Variants in TRAPPC8 observed in about 807,000 individuals in gnomAD.
TRAPPC8 encodes the protein general sporulation gene 1 homolog.
Under a neutral mutation model 174.3 loss-of-function variants are expected in TRAPPC8, and 54 were observed. The observed-to-expected ratio is 0.31, with a 90% CI of 0.25 to 0.39. TRAPPC8 has a LOEUF of 0.39. TRAPPC8 is among the 10% of genes least tolerant of loss of function. The pLI, the probability that TRAPPC8 is intolerant of heterozygous loss-of-function variation, is 1.00. For synonymous variants in TRAPPC8, 630 were observed against 579.9 expected (o/e 1.09, Z -1.24); for missense variants, 1,531 against 1,699.1 (o/e 0.90, Z 1.74).
intron 11 of TRAPPC8, chr18:31,896,560 A>T (rs1209533294): frequency 6.6e-6 from 1 of 152,082 alleles, no homozygotes; most frequent in Non-Finnish European, 1.5e-5. Context: ...TTAGGTAAAA[A>T]ATTTTATGGG....
intron 19 of TRAPPC8, among the ~76,000 whole-genome samples, chr18:31,861,925 GAA>G (rs1248803736): frequency 3.0e-4 from 11 of 37,192 alleles, no homozygotes; most frequent in East Asian, 2.7e-3. Flanking sequence ...CCCGTCTCCA[GAA>G]AAAAAAAAAG....
chr18:31,842,456 T>G (rs2144984559), intron 26 of TRAPPC8, among the ~76,000 whole-genome samples: 1 of 152,334 alleles, frequency 6.6e-6, no homozygotes, highest in East Asian at 1.9e-4. Context: ...AAATGTCGAC[T>G]GGCATCAGGC....
At position 31,855,755 on chromosome 18, in the gene TRAPPC8, C is replaced by T. The variant is rs919615591; in HGVS notation, c.3241G>A (p.Val1081Ile). The T allele has an allele frequency of 1.2e-6, 2 of 1,604,798 alleles. No individual in the cohort carries two copies. Among genetic ancestry groups the T allele is most frequent in the South Asian group, 1.1e-5 (1 of 89,620 alleles). The change falls in exon 21 of 29, where the codon GTA (valine) becomes ATA (isoleucine). Residue 1081 changes from valine (V) to isoleucine (I), a missense_variant. Physicochemically the swap from Val to Ile is conservative, Grantham distance 29 (BLOSUM62 3). Transcript: ENST00000283351. ...TTACTTCTGCAGACAGTGGCCCGTA[C>T]ATTTAAAGACCGACTGGTACAAATA... The part of the protein sequence containing the change: ...AIICTSRSLN[V>I]RATVCRSNSL...
chr18:31,832,847 T>A (rs2032456936), intron 27 of TRAPPC8, among the ~76,000 whole-genome samples: 1 of 152,220 alleles, frequency 6.6e-6, no homozygotes, highest in South Asian at 2.1e-4. Context: ...AGCAGGGTTA[T>A]ATACTATTAT....
intron 9 of TRAPPC8, among the ~76,000 whole-genome samples, chr18:31,905,810 T>C (rs1280047501): frequency 1.3e-5 from 2 of 152,198 alleles, no homozygotes; most frequent in African/African-American, 2.4e-5. Context: ...TTCTCTCAAA[T>C]AGCTACTAAT....
In TRAPPC8 at chr18:31,852,610, A is replaced by T. The variant is rs1286990171; in HGVS notation, c.3487T>A (p.Cys1163Ser). The change falls in exon 23 of 29, where the codon TGT (cysteine) becomes AGT (serine). Residue 1163 changes from cysteine (C) to serine (S), a missense_variant. Physicochemically the swap from Cys to Ser is moderately radical, Grantham distance 112. Transcript: ENST00000283351. ...GTGAATTTACCTTCTTCTTTCTCAC[A>T]TCTTATTGCCTTAAAGCAAAACTTT... ...KGKFCFKAIRCEKEEAATQSS... is the reference protein window; with the variant it reads ...KGKFCFKAIRSEKEEAATQSS... 2.5e-6 allele frequency: 4 copies of T among 1,614,112 alleles called. No individual in the cohort carries two copies. Among genetic ancestry groups the T allele is most frequent in the African/African-American group, 2.7e-5 (2 of 75,062 alleles).
chr18:31,887,083 T>A (rs1318581096), intron 12 of TRAPPC8, among the ~76,000 whole-genome samples: 1 of 152,188 alleles, frequency 6.6e-6, no homozygotes, highest in Non-Finnish European at 1.5e-5. Context: ...TCCCTACCAA[T>A]ACAACCCTGT....
At chr18:31,941,528 A>C (rs1450801734) in intron 1 of TRAPPC8, among the ~76,000 whole-genome samples, 1 of 152,212 alleles carries the variant, frequency 6.6e-6, no homozygotes, top group Non-Finnish European at 1.5e-5. Flanking sequence ...AGGAACTGAG[A>C]CTGATGGCTA....
chr18:31,920,294 A>C (rs1425433519), intron 2 of TRAPPC8, among the ~76,000 whole-genome samples: 2 of 152,216 alleles, frequency 1.3e-5, no homozygotes, highest in African/African-American at 4.8e-5. Flanking sequence ...ATTTTCCAAA[A>C]TAGCTCTTCT....
At chr18:31,871,992 T>G (rs1486154476) in intron 14 of TRAPPC8, among the ~76,000 whole-genome samples, 1 of 152,130 alleles carries the variant, frequency 6.6e-6, no homozygotes, top group Non-Finnish European at 1.5e-5. Context: ...TATATTTGTA[T>G]AGATTTAGGG....
rs766562572 is a variant in TRAPPC8 at position 31,829,958 on chromosome 18, T to C, written c.*797A>G. 1.3e-5 allele frequency: 2 copies of C among 152,676 alleles called. No individual in the cohort carries two copies. The highest frequency in any genetic ancestry group is 2.9e-5 in the Non-Finnish European group (2 of 68,036). 9.5% of individuals were successfully genotyped at this position (152,676 alleles called of 1,614,324 possible). The stretch of plus-strand genomic sequence containing the variant: ...TACGCTATACAGTGAATAGCATGTC[T>C]TTATTCTATTTACAGTATATTTGTT... On this transcript the variant is annotated 3_prime_UTR_variant, in exon 29 of 29. Coordinates refer to ENST00000283351, the MANE Select transcript of TRAPPC8 (RefSeq NM_014939.5).
At position 31,943,051 on chromosome 18, in the gene TRAPPC8, G is replaced by T; in HGVS notation, c.-287C>A. ...GCCGACAGTCACCACTTAGTCCTTC[G>T]GACGGCAAAACCTTGGTCACTGCCC... On this transcript the variant is annotated 5_prime_UTR_variant, in exon 1 of 29. Transcript: ENST00000283351. 1.9e-6 allele frequency: 1 copy of T among 520,262 alleles called. No individual in the cohort carries two copies. Among genetic ancestry groups the T allele is most frequent in the Non-Finnish European group, 3.0e-6 (1 of 335,730 alleles). The allele number at this position is 520,262 out of a possible 1,614,324, so 32.2% of individuals were successfully genotyped here.
intron 10 of TRAPPC8, 118 bp downstream of exon 10, chr18:31,900,807 C>A: frequency 4.1e-6 from 3 of 726,570 alleles, no homozygotes; most frequent in South Asian, 2.1e-5. Flanking sequence ...TAAAAATCAC[C>A]TCAACTTGTC....
chr18:31,846,623 C>T (rs1020458873), intron 26 of TRAPPC8, 93 bp downstream of exon 26: 1 of 956,562 alleles, frequency 1.0e-6, no homozygotes, highest in Non-Finnish European at 1.6e-6. Flanking sequence ...ACAAACCAGA[C>T]CCCTTCAAAA....
intron 12 of TRAPPC8, among the ~76,000 whole-genome samples, chr18:31,878,664 G>C (rs2035278309): frequency 6.6e-6 from 1 of 152,040 alleles, no homozygotes. Flanking sequence ...TATTAACTTT[G>C]AACAAAAATA....
chr18:31,908,717 A>G, intron 7 of TRAPPC8, 37 bp downstream of exon 7: 1 of 1,487,064 alleles, frequency 6.7e-7, no homozygotes, highest in East Asian at 2.4e-5. Flanking sequence ...TATTTACTTA[A>G]ATTTTTAAAA....
At chr18:31,872,002 G>A (rs2034888248) in intron 14 of TRAPPC8, among the ~76,000 whole-genome samples, 1 of 151,486 alleles carries the variant, frequency 6.6e-6, no homozygotes, top group South Asian at 2.1e-4. Flanking sequence ...TAGATTTAGG[G>A]GGTACAAGTT....
rs116048506 is a variant in TRAPPC8 at position 31,875,025 on chromosome 18, G to A, written c.1729-321C>T. Reference sequence around the variant, plus strand: ...ACAATTTCAAAACGTCAACTTCAGAGGAAAGAGCTTACTTCTCAACTTGAC... The same window carrying A: ...ACAATTTCAAAACGTCAACTTCAGAAGAAAGAGCTTACTTCTCAACTTGAC... On this transcript the variant is annotated intron_variant, in intron 12 of 28. Transcript: ENST00000283351. Among the ~76,000 whole-genome samples, 1,099 of 152,218 alleles carry A rather than the reference G, an allele frequency of 7.2e-3. 15 individuals are homozygous for A. The highest frequency in any genetic ancestry group is 0.025 in the African/African-American group (1,054 of 41,532).
intron 4 of TRAPPC8, among the ~76,000 whole-genome samples, 197 bp downstream of exon 4, chr18:31,916,071 AAAAG>A (rs2037134007): frequency 6.6e-6 from 1 of 151,752 alleles, no homozygotes; most frequent in African/African-American, 2.4e-5. Context: ...AAAAAAAAAA[AAAAG>A]AAATCTAACA....
Sources: allele counts gnomAD v4.1 joint callset (sites outside exome capture counted in the v4.1 genomes callset), GRCh38; gene constraint gnomAD v4.1.1; transcripts MANE v1.5; gene names NCBI Gene and HGNC (gene_info 2026-07-23, HGNC 2026-07-21).